Variants in TC2N observed in about 807,000 individuals in gnomAD.
TC2N encodes tandem C2 domains nuclear protein.
TC2N carries 51 observed loss-of-function variants against 61.9 expected under a neutral mutation model. The observed-to-expected ratio is 0.82, with a 90% CI of 0.66 to 1.04. The LOEUF is 1.04. TC2N is among the 50% of genes least tolerant of loss of function. The pLI, the probability that TC2N is intolerant of heterozygous loss-of-function variation, is 0.00. For synonymous variants in TC2N, 204 were observed against 192.6 expected, an observed-to-expected ratio of 1.06 and a Z score of -0.49; for missense variants, 556 against 566.7, an observed-to-expected ratio of 0.98 and a Z score of 0.19.
chr14:91,806,709 G>C (rs1886522725), intron 3 of TC2N, among the ~76,000 whole-genome samples: 1 of 151,734 alleles, frequency 6.6e-6, no homozygotes, highest in African/African-American at 2.4e-5. Context: ...GAGCATAAAA[G>C]TTCGAAAAAT....
chr14:91,861,518 G>C (rs1394176388), intron 1 of TC2N, among the ~76,000 whole-genome samples: 2 of 152,206 alleles, frequency 1.3e-5, no homozygotes, highest in Non-Finnish European at 2.9e-5. Flanking sequence ...GAGAACAGAC[G>C]GAGGGGAAGG....
At chr14:91,854,908 A>G (rs1458616683) in intron 1 of TC2N, among the ~76,000 whole-genome samples, 1 of 152,120 alleles carries the variant, frequency 6.6e-6, no homozygotes, top group Non-Finnish European at 1.5e-5. Flanking sequence ...TAGCTTTTTA[A>G]ACTCACCTCT....
rs530321082 is a variant in TC2N, at chr14:91,798,284, A to C, written c.738+15T>G. On this transcript the variant is annotated intron_variant, in intron 7 of 11. Coordinates refer to ENST00000435962, the MANE Select transcript of TC2N (RefSeq NM_001128596.3). ...AATTTTGTAATAAAAGCTGGTATTA[A>C]CTATACTAATTTACCTGTAAAACTG... is the stretch of plus-strand genomic sequence containing the variant. 1 of 1,323,776 alleles carries C rather than the reference A, an allele frequency of 7.6e-7. No homozygotes were observed. The highest frequency in any genetic ancestry group is 1.5e-5 in the African/African-American group (1 of 66,840). 82.0% of individuals were successfully genotyped at this position (1,323,776 alleles called of 1,614,324 possible).
At chr14:91,799,814 TAC>T (rs1378494842) in intron 5 of TC2N, among the ~76,000 whole-genome samples, 20 of 152,090 alleles carry the variant, frequency 1.3e-4, no homozygotes, top group Admixed American at 4.6e-4. Context: ...TTTAAATAAT[TAC>T]AGTTTACTTG....
chr14:91,811,300 T>C (rs1254647637), intron 3 of TC2N, among the ~76,000 whole-genome samples: 1 of 152,100 alleles, frequency 6.6e-6, no homozygotes, highest in Non-Finnish European at 1.5e-5. Flanking sequence ...CTAAAGCAAG[T>C]ATAGTAAGTA....
intron 3 of TC2N, among the ~76,000 whole-genome samples, chr14:91,810,026 T>C (rs1373748249): frequency 6.6e-6 from 1 of 152,128 alleles, no homozygotes; most frequent in Non-Finnish European, 1.5e-5. Context: ...TGTTTTGTAG[T>C]GTGTACAGGA....
chr14:91,862,465 G>A (rs1888612309), intron 1 of TC2N, among the ~76,000 whole-genome samples: 2 of 152,184 alleles, frequency 1.3e-5, no homozygotes, highest in African/African-American at 4.8e-5. Flanking sequence ...TTTCACCTCA[G>A]CCGTCAACAG....
intron 1 of TC2N, among the ~76,000 whole-genome samples, chr14:91,856,119 G>A (rs1888477481): frequency 6.6e-6 from 1 of 152,122 alleles, no homozygotes; most frequent in Non-Finnish European, 1.5e-5. Context: ...GAGAGACAAG[G>A]AAACGAAAAA....
rs1446294735 is a variant in TC2N at position 91,867,373 on chromosome 14, T to C, written c.-168A>G. The C allele has an allele frequency of 2.0e-5, 3 of 152,232 alleles. No individual in the cohort carries two copies. The highest frequency in any genetic ancestry group is 4.4e-5 in the Non-Finnish European group (3 of 68,088). The allele number at this position is 152,232 out of a possible 1,614,324, so 9.4% of individuals were successfully genotyped here. The stretch of plus-strand genomic sequence containing the variant: ...CTTCTTCCCAGCCCCTGAGTCTCCC[T>C]ACACAGCAGGGACCCAGGCTCACTG... On this transcript the variant is annotated 5_prime_UTR_variant, in exon 1 of 12. Transcript: ENST00000435962.
chr14:91,843,393 A>G (rs1178572683), intron 1 of TC2N, among the ~76,000 whole-genome samples: 4 of 152,150 alleles, frequency 2.6e-5, no homozygotes, highest in African/African-American at 9.7e-5. Context: ...GGGCAGCACC[A>G]ATTTAGCCAA....
At chr14:91,811,606 G>C (rs1272358043) in intron 3 of TC2N, among the ~76,000 whole-genome samples, 1 of 152,032 alleles carries the variant, frequency 6.6e-6, no homozygotes, top group Non-Finnish European at 1.5e-5. Context: ...GTAGAAGAAA[G>C]AAGAGAAGGA....
intron 8 of TC2N, among the ~76,000 whole-genome samples, chr14:91,794,873 T>C (rs976928568): frequency 6.6e-6 from 1 of 152,198 alleles, no homozygotes; most frequent in African/African-American, 2.4e-5. Flanking sequence ...AGATAGTGAT[T>C]CCTCTGATGG....
At chr14:91,815,696 C>T (rs1476076938) in intron 1 of TC2N, among the ~76,000 whole-genome samples, 4 of 151,610 alleles carry the variant, frequency 2.6e-5, no homozygotes, top group Admixed American at 2.6e-4. Flanking sequence ...ATCTCTGCCT[C>T]CCCATATACC....
At chr14:91,788,635 C>A (rs1309818293) in intron 9 of TC2N, among the ~76,000 whole-genome samples, 2 of 151,964 alleles carry the variant, frequency 1.3e-5, no homozygotes, top group South Asian at 2.1e-4. Context: ...GGAAAAACAA[C>A]AACAACAAAA....
At chr14:91,802,529 T>A in intron 3 of TC2N, 108 bp from the exon 4 acceptor site, 1 of 910,480 alleles carries the variant, frequency 1.1e-6, no homozygotes, top group Non-Finnish European at 1.7e-6. Context: ...CAAGTAATAC[T>A]AAATCACATG....
At chr14:91,797,946 C>T in intron 7 of TC2N, 45 bp from the exon 8 acceptor site, 1 of 1,196,244 alleles carries the variant, frequency 8.4e-7, no homozygotes, top group South Asian at 1.3e-5. Context: ...AAGGATCCAA[C>T]AATACAAACA....
chr14:91,834,164 A>G (rs1217560723), intron 1 of TC2N, among the ~76,000 whole-genome samples: 2 of 152,220 alleles, frequency 1.3e-5, no homozygotes, highest in Non-Finnish European at 2.9e-5. Context: ...ACATCAACAT[A>G]TTGGAACTCA....
At position 91,837,012 on chromosome 14, in the gene TC2N, T is replaced by C. The variant is rs1215113056; in HGVS notation, c.-56-23187A>G. ...GCCCTGCTCTCTGCTTTTGTTGCTA[T>C]CTGCTACTGCCTTGCCATCAATGGG... On this transcript the variant is annotated intron_variant, in intron 1 of 11. Transcript: ENST00000435962. The surrounding 1 kb of genome is among the most constrained non-coding windows in gnomAD (Gnocchi z 4.2). Among the ~76,000 whole-genome samples, 1 of 152,234 alleles carries C rather than the reference T, an allele frequency of 6.6e-6. No individual in the cohort carries two copies. The highest frequency in any genetic ancestry group is 1.5e-5 in the Non-Finnish European group (1 of 68,040).
intron 1 of TC2N, among the ~76,000 whole-genome samples, chr14:91,841,717 T>C (rs1888167144): frequency 6.6e-6 from 1 of 152,194 alleles, no homozygotes; most frequent in Non-Finnish European, 1.5e-5. Context: ...CCTAGAATCA[T>C]TGCAAGTTCT....
Sources: allele counts gnomAD v4.1 joint callset (sites outside exome capture counted in the v4.1 genomes callset), GRCh38; gene constraint gnomAD v4.1.1; non-coding constraint Gnocchi (gnomAD v3.1); transcripts MANE v1.5; gene names NCBI Gene and HGNC (gene_info 2026-07-23, HGNC 2026-07-21).